The following BICRAL variants were observed in gnomAD, a reference collection of about 807,000 sequenced individuals.
The protein encoded by BICRAL is BRD4-interacting chromatin-remodeling complex-associated protein-like.
In BICRAL, 8 loss-of-function variants were observed where a neutral mutation model predicts 91.8. That is an observed-to-expected ratio of 0.09 (90% CI 0.05 to 0.16). The LOEUF is 0.16. Among genes scored for constraint, BICRAL ranks in the 10% least tolerant of loss-of-function variants. The probability of loss-of-function intolerance (pLI) is 1.00; values close to 1 mark genes in which losing one functional copy is unlikely to be tolerated. For synonymous variants in BICRAL, 445 were observed against 491.1 expected (o/e 0.91, Z 1.24); for missense variants, 1,038 against 1,310.9 (o/e 0.79, Z 3.21).
intron 11 of BICRAL, among the ~76,000 whole-genome samples, chr6:42,860,608 G>A (rs1237845077): frequency 1.3e-5 from 2 of 152,154 alleles, no homozygotes; most frequent in Non-Finnish European, 1.5e-5. Flanking sequence ...TAACTTGCTC[G>A]AGAACAGATG....
chr6:42,814,260 G>A (rs1763915290), intron 2 of BICRAL, among the ~76,000 whole-genome samples: 1 of 133,256 alleles, frequency 7.5e-6, no homozygotes, highest in Non-Finnish European at 1.6e-5. Context: ...TTTGAGACAC[G>A]GTCTCACTTT....
intron 6 of BICRAL, among the ~76,000 whole-genome samples, chr6:42,850,542 A>T (rs982607883): frequency 9.9e-5 from 15 of 151,660 alleles, no homozygotes; most frequent in Non-Finnish European, 1.6e-4. Context: ...ACAAGAAAAA[A>T]ACTCTGAAAA....
intron 1 of BICRAL, among the ~76,000 whole-genome samples, chr6:42,788,844 G>T (rs897482509): frequency 4.6e-5 from 7 of 152,182 alleles, no homozygotes; most frequent in Non-Finnish European, 1.0e-4. Context: ...GCCGTGGCTT[G>T]GGGCCATGAA....
intron 6 of BICRAL, among the ~76,000 whole-genome samples, chr6:42,832,982 ATTTGGT>A (rs1290542612): frequency 1.3e-5 from 2 of 151,566 alleles, no homozygotes; most frequent in African/African-American, 4.8e-5. Context: ...AAAACAAATT[ATTTGGT>A]TTTGGTTTTG....
chr6:42,845,151 T>TTTG (rs2113995555), intron 6 of BICRAL, among the ~76,000 whole-genome samples: 1 of 148,048 alleles, frequency 6.8e-6, no homozygotes, highest in Admixed American at 6.9e-5. Flanking sequence ...ATAAAGACTG[T>TTTG]TTGGTATCCT....
At chr6:42,825,046 G>A (rs1027393865) in intron 5 of BICRAL, among the ~76,000 whole-genome samples, 1 of 152,038 alleles carries the variant, frequency 6.6e-6, no homozygotes, top group Non-Finnish European at 1.5e-5. Flanking sequence ...AGACCACGAG[G>A]TCAGGAGTTC....
chr6:42,764,243 G>GAAA (rs528842794), intron 1 of BICRAL, among the ~76,000 whole-genome samples: 5,289 of 125,520 alleles, frequency 0.042, 313 homozygotes, highest in African/African-American at 0.14. Context: ...CTTTGTTTCC[G>GAAA]AAAAAAAAAA....
intron 1 of BICRAL, among the ~76,000 whole-genome samples, chr6:42,763,811 ACT>A (rs1440553049): frequency 1.3e-5 from 2 of 151,288 alleles, no homozygotes; most frequent in African/African-American, 4.9e-5. Context: ...ACAGAGTGAG[ACT>A]CTGTCTCAGA....
At chr6:42,786,964 TGA>T (rs1011900310) in intron 1 of BICRAL, among the ~76,000 whole-genome samples, 2 of 152,094 alleles carry the variant, frequency 1.3e-5, no homozygotes, top group Non-Finnish European at 1.5e-5. Flanking sequence ...CTAATGGCAA[TGA>T]GAGGGGTTTT....
chr6:42,783,031 C>T (rs1186113486), intron 1 of BICRAL, among the ~76,000 whole-genome samples: 1 of 151,768 alleles, frequency 6.6e-6, no homozygotes, highest in African/African-American at 2.4e-5. Flanking sequence ...TATTTTTCAT[C>T]CTGGCTTCCC....
intron 2 of BICRAL, among the ~76,000 whole-genome samples, chr6:42,818,111 G>A (rs1345336961): frequency 6.6e-6 from 1 of 152,098 alleles, no homozygotes; most frequent in African/African-American, 2.4e-5. Context: ...ATATGAGTCT[G>A]TATCCTGTCA....
intron 3 of BICRAL, 90 bp from the exon 4 acceptor site, chr6:42,822,706 C>A: frequency 4.6e-6 from 3 of 655,238 alleles, no homozygotes; most frequent in Admixed American, 3.0e-5. Flanking sequence ...GGTAATAAAT[C>A]ATTTTCTTTC....
chr6:42,828,854 G>A lies in BICRAL; in HGVS notation c.521G>A (p.Gly174Glu), dbSNP rs751079928. ...ATAGGGGTGACGCATGTGCCTGTTGGAGCATCGTTTGCAAGCAATACAGTG... is the reference window on the plus strand; with the variant it reads ...ATAGGGGTGACGCATGTGCCTGTTGAAGCATCGTTTGCAAGCAATACAGTG... ...QPIGVTHVPVGASFASNTVGV... is the reference protein window; with the variant it reads ...QPIGVTHVPVEASFASNTVGV... The change falls in exon 6 of 13, where the codon GGA becomes GAA. Residue 174 changes from glycine to glutamate, a missense_variant. Gly to Glu is a moderately conservative substitution (Grantham distance 98, BLOSUM62 -2). Coordinates refer to ENST00000314073, the MANE Select transcript of BICRAL (RefSeq NM_001393499.1). 1.2e-6 allele frequency: 2 copies of A among 1,614,170 alleles called. No homozygotes were observed. Among genetic ancestry groups the A allele is most frequent in the Non-Finnish European group, 1.7e-6 (2 of 1,180,040 alleles).
upstream of BICRAL, chr6:42,781,910 GGGCGCGGGGAGCGGCGCCCCGGCCC>G (rs1288766874): frequency 4.6e-3 from 85 of 18,398 alleles, 1 homozygote; most frequent in African/African-American, 4.5e-3. Context: ...AAGGCCGGGC[GGGCGCGGGGAGCGGCGCCCCGGCCC>G]GGCGCGGGGG....
chr6:42,836,441 G>A (rs913728890), intron 6 of BICRAL, among the ~76,000 whole-genome samples: 8 of 151,942 alleles, frequency 5.3e-5, no homozygotes, highest in Non-Finnish European at 1.0e-4. Flanking sequence ...ATTATTTCAG[G>A]TGTTCAAGTG....
At chr6:42,768,616 G>A (rs1425558654) in intron 1 of BICRAL, among the ~76,000 whole-genome samples, 1 of 152,194 alleles carries the variant, frequency 6.6e-6, no homozygotes, top group Non-Finnish European at 1.5e-5. Context: ...TAGAAAGCCA[G>A]CCAGGCCTCA....
intron 2 of BICRAL, among the ~76,000 whole-genome samples, chr6:42,813,113 A>G (rs776599613): frequency 2.0e-5 from 3 of 152,222 alleles, no homozygotes; most frequent in African/African-American, 4.8e-5. Flanking sequence ...GACACTTCAA[A>G]TAGTCTAATG....
rs35347910 is a variant in BICRAL at position 42,817,148 on chromosome 6, ATGTG to A, written c.-5-4848_-5-4845del. 0.01 allele frequency among the ~76,000 whole-genome samples: 1,494 copies of A among 148,320 alleles called. 49 individuals are homozygous for A. In the East Asian group the frequency reaches 0.12, roughly 12 times the overall value. ...ACATTTACACACACACATCATTTAT[ATGTG>A]TGTGTGTGTGTGTGTGTGTGTATAT... On this transcript the variant is annotated intron_variant, in intron 2 of 12. Transcript: ENST00000314073.
In BICRAL at chr6:42,828,529, A is replaced by C; in HGVS notation, c.196A>C (p.Asn66His). 1 of 1,613,794 alleles carries C rather than the reference A, an allele frequency of 6.2e-7. No individual in the cohort carries two copies. Among genetic ancestry groups the C allele is most frequent in the Non-Finnish European group, 8.5e-7 (1 of 1,179,726 alleles). The change falls in exon 6 of 13, where the codon AAC becomes CAC. Residue 66 changes from asparagine to histidine, a missense_variant. Physicochemically the swap from Asn to His is moderately conservative, Grantham distance 68. Coordinates refer to ENST00000314073, the MANE Select transcript of BICRAL (RefSeq NM_001393499.1). Reference sequence around the variant, plus strand: ...TAAGTCATCCCTCAAAGGTGTAAGCAACCAGCTTGGAGAAGGGCCCAGTGA... The same window carrying C: ...TAAGTCATCCCTCAAAGGTGTAAGCCACCAGCTTGGAGAAGGGCCCAGTGA... ...DPKSSLKGVSNQLGEGPSDGL... is the reference protein window; with the variant it reads ...DPKSSLKGVSHQLGEGPSDGL...
Sources: gnomAD v4.1 joint callset for allele counts (sites outside exome capture counted in the v4.1 genomes callset) on GRCh38, gnomAD v4.1.1 for gene constraint, MANE v1.5 for transcripts, NCBI Gene and HGNC (gene_info 2026-07-23, HGNC 2026-07-21) for gene names.